Variants in GABRB2 observed in about 807,000 individuals in gnomAD.
GABRB2 encodes gamma-aminobutyric acid type A receptor subunit beta2.
In GABRB2, 16 loss-of-function variants were observed where a neutral mutation model predicts 54.7. The observed-to-expected ratio is 0.29, with a 90% CI of 0.20 to 0.44. The LOEUF is 0.44. GABRB2 is among the 20% of genes least tolerant of loss of function. The probability of loss-of-function intolerance (pLI) is 1.00; values close to 1 mark genes in which losing one functional copy is unlikely to be tolerated. For synonymous variants in GABRB2, 244 were observed against 233.8 expected (o/e 1.04, Z -0.40); for missense variants, 355 against 644.0 (o/e 0.55, Z 4.86).
chr5:161,460,014 G>T (rs570830167), intron 3 of GABRB2, among the ~76,000 whole-genome samples, 170 bp from the exon 4 acceptor site: 1 of 152,052 alleles, frequency 6.6e-6, no homozygotes, highest in African/African-American at 2.4e-5. Flanking sequence ...GCACGATCTC[G>T]GCTCAATGCA....
chr5:161,344,319 G>A (rs1210108010), intron 5 of GABRB2, among the ~76,000 whole-genome samples: 2 of 151,998 alleles, frequency 1.3e-5, no homozygotes, highest in Non-Finnish European at 2.9e-5. Context: ...CAGAGATGGG[G>A]CTAGGTCCAA....
intron 3 of GABRB2, among the ~76,000 whole-genome samples, chr5:161,520,628 T>C (rs1760084885): frequency 6.6e-6 from 1 of 152,030 alleles, no homozygotes; most frequent in Non-Finnish European, 1.5e-5. Context: ...GGCTCAGAGA[T>C]TAAGTAACTT....
chr5:161,384,668 A>T (rs892328072), intron 5 of GABRB2, among the ~76,000 whole-genome samples: 2 of 152,186 alleles, frequency 1.3e-5, no homozygotes, highest in African/African-American at 4.8e-5. Flanking sequence ...AGTTAGTATT[A>T]CTGAGGATAA....
At chr5:161,338,969 C>T (rs989411780) in intron 5 of GABRB2, among the ~76,000 whole-genome samples, 1 of 152,040 alleles carries the variant, frequency 6.6e-6, no homozygotes, top group Non-Finnish European at 1.5e-5. Flanking sequence ...CTGTACTTTT[C>T]CTATGATTTC....
At chr5:161,411,486 T>C (rs995125571) in intron 4 of GABRB2, among the ~76,000 whole-genome samples, 4 of 152,186 alleles carry the variant, frequency 2.6e-5, no homozygotes, top group Non-Finnish European at 2.9e-5. Context: ...TCAATCTTAG[T>C]TTTGATCCAT....
In GABRB2 at chr5:161,293,976, A is replaced by G; in HGVS notation, c.*105T>C. On this transcript the variant is annotated 3_prime_UTR_variant, in exon 10 of 10. Transcript: ENST00000393959. ...GATAGGCCAGCAACTAAGGTATTTTAGCGTCACTTTTGTCCTGGATTGATG... is the reference window on the plus strand; with the variant it reads ...GATAGGCCAGCAACTAAGGTATTTTGGCGTCACTTTTGTCCTGGATTGATG... 6 of 865,972 alleles carry G rather than the reference A, an allele frequency of 6.9e-6. No individual in the cohort carries two copies. Among genetic ancestry groups the G allele is most frequent in the South Asian group, 1.8e-5 (1 of 56,998 alleles). The allele number at this position is 865,972 out of a possible 1,614,324, so 53.6% of individuals were successfully genotyped here. A position where few individuals can be genotyped will look rare whatever the true frequency, so the allele number is the denominator to read the frequency against.
intron 4 of GABRB2, among the ~76,000 whole-genome samples, chr5:161,445,942 T>A (rs1228044065): frequency 1.3e-5 from 2 of 152,084 alleles, no homozygotes; most frequent in Non-Finnish European, 2.9e-5. Flanking sequence ...GCAGAATAAA[T>A]CTCTTCAAAT....
chr5:161,463,430 T>C (rs1036323626), intron 3 of GABRB2, among the ~76,000 whole-genome samples: 1 of 150,672 alleles, frequency 6.6e-6, no homozygotes, highest in Non-Finnish European at 1.5e-5. Context: ...AAGATGTTGA[T>C]ACTCTCTAAA....
intron 4 of GABRB2, among the ~76,000 whole-genome samples, chr5:161,439,185 G>A (rs1031341062): frequency 3.9e-5 from 6 of 152,122 alleles, no homozygotes; most frequent in South Asian, 2.1e-4. Flanking sequence ...ATGACACTCC[G>A]ATATGTCTGG....
At chr5:161,368,138 C>CACACAT (rs1305962876) in intron 5 of GABRB2, among the ~76,000 whole-genome samples, 1 of 151,820 alleles carries the variant, frequency 6.6e-6, no homozygotes, top group Non-Finnish European at 1.5e-5. Context: ...CACACACACA[C>CACACAT]ACACACACAC....
intron 9 of GABRB2, among the ~76,000 whole-genome samples, chr5:161,294,974 C>T (rs896748207): frequency 6.6e-6 from 1 of 151,984 alleles, no homozygotes; most frequent in African/African-American, 2.4e-5. Flanking sequence ...TCTTAAAACC[C>T]CCAGTTATGA....
At chr5:161,393,459 A>T (rs1372579671) in intron 5 of GABRB2, among the ~76,000 whole-genome samples, 1 of 151,922 alleles carries the variant, frequency 6.6e-6, no homozygotes, top group East Asian at 1.9e-4. Context: ...ACTAAAAAGC[A>T]GGAGGAACCG....
chr5:161,520,041 A>G (rs936981676), intron 3 of GABRB2, among the ~76,000 whole-genome samples: 1 of 152,110 alleles, frequency 6.6e-6, no homozygotes, highest in Non-Finnish European at 1.5e-5. Flanking sequence ...ATGAAAATGG[A>G]GCATAAAATG....
chr5:161,546,291 G>C lies in GABRB2; in HGVS notation c.169+31C>G, dbSNP rs985795914. The C allele has an allele frequency of 5.1e-6, 8 of 1,573,488 alleles. No homozygotes were observed. In the African/African-American group the frequency reaches 8.1e-5, roughly 16 times the overall value. ...AGCTCAAAAGACAGCTTCGGCTGTGGCTGGACTTATTTGCAAGGCAACCCC... is the reference window on the plus strand; with the variant it reads ...AGCTCAAAAGACAGCTTCGGCTGTGCCTGGACTTATTTGCAAGGCAACCCC... On this transcript the variant is annotated intron_variant, in intron 2 of 9. Transcript: ENST00000393959.
At chr5:161,429,213 G>A (rs1020641778) in intron 4 of GABRB2, among the ~76,000 whole-genome samples, 1 of 151,188 alleles carries the variant, frequency 6.6e-6, no homozygotes, top group Non-Finnish European at 1.5e-5. Context: ...TGGGCATGGT[G>A]ATGCACACCT....
intron 5 of GABRB2, among the ~76,000 whole-genome samples, chr5:161,394,069 T>C (rs967362252): frequency 1.3e-5 from 2 of 151,966 alleles, no homozygotes; most frequent in African/African-American, 2.4e-5. Flanking sequence ...TTACTATATA[T>C]AGGAAAACGC....
chr5:161,417,056 G>A (rs917105116), intron 4 of GABRB2, among the ~76,000 whole-genome samples: 2 of 152,142 alleles, frequency 1.3e-5, no homozygotes, highest in Admixed American at 1.3e-4. Flanking sequence ...GCTCACCTGA[G>A]TCTTTTCCTC....
At chr5:161,315,072 AT>A (rs1757982824) in intron 9 of GABRB2, among the ~76,000 whole-genome samples, 2 of 152,144 alleles carry the variant, frequency 1.3e-5, no homozygotes, top group Non-Finnish European at 2.9e-5. Flanking sequence ...TGTGTTTCAA[AT>A]TCTAGAATAA....
chr5:161,288,747 A>C lies in GABRB2; in HGVS notation c.*5334T>G, dbSNP rs1757152882. ...AATTAGTAAGGCTGATAATCACTAC[A>C]TTGTGAAGAAACTAGAATATCACTT... On this transcript the variant is annotated 3_prime_UTR_variant, in exon 10 of 10. Transcript: ENST00000393959. 1 of 152,282 alleles carries C rather than the reference A, an allele frequency of 6.6e-6. No homozygotes were observed. Among genetic ancestry groups the C allele is most frequent in the African/African-American group, 2.4e-5 (1 of 41,344 alleles). The allele number at this position is 152,282 out of a possible 1,614,324, so 9.4% of individuals were successfully genotyped here.
Sources: allele counts gnomAD v4.1 joint callset (sites outside exome capture counted in the v4.1 genomes callset), GRCh38; gene constraint gnomAD v4.1.1; transcripts MANE v1.5; gene names NCBI Gene and HGNC (gene_info 2026-07-23, HGNC 2026-07-21).